Variants in RSU1 observed in about 807,000 individuals in gnomAD.
RSU1 encodes Ras suppressor protein 1.
RSU1 carries 26 observed loss-of-function variants against 31.1 expected under a neutral mutation model. The observed-to-expected ratio is 0.84, with a 90% CI of 0.61 to 1.16. RSU1 has a LOEUF of 1.16. Among genes scored for constraint, RSU1 ranks in the 50% most tolerant of loss-of-function variants. The probability of loss-of-function intolerance (pLI) is 0.00; values close to 1 mark genes in which losing one functional copy is unlikely to be tolerated. For synonymous variants in RSU1, 164 were observed against 136.3 expected, an observed-to-expected ratio of 1.20 and a Z score of -1.41; for missense variants, 320 against 339.1, an observed-to-expected ratio of 0.94 and a Z score of 0.44.
chr10:16,642,698 T>A (rs1038185557), intron 8 of RSU1, among the ~76,000 whole-genome samples: 4 of 152,332 alleles, frequency 2.6e-5, no homozygotes, highest in African/African-American at 9.6e-5. Flanking sequence ...TCATATATTA[T>A]GTATGTAAAA....
intron 2 of RSU1, among the ~76,000 whole-genome samples, chr10:16,815,433 T>G (rs1309686480): frequency 6.6e-6 from 1 of 152,236 alleles, no homozygotes; most frequent in East Asian, 1.9e-4. Context: ...GTTCTCTCCA[T>G]GCCTAAATGG....
intron 7 of RSU1, among the ~76,000 whole-genome samples, chr10:16,724,631 C>A (rs1317667829): frequency 2.6e-5 from 4 of 152,182 alleles, no homozygotes; most frequent in Non-Finnish European, 5.9e-5. Flanking sequence ...AAGGGGGAAT[C>A]ACGAACAGTG....
chr10:16,752,753 C>A, intron 6 of RSU1, 100 bp from the exon 7 acceptor site: 1 of 1,071,402 alleles, frequency 9.3e-7, no homozygotes, highest in South Asian at 1.4e-5. Context: ...AAGCTCAATC[C>A]TTTCCATGTA....
chr10:16,607,574 T>C (rs2131464865), intron 8 of RSU1, among the ~76,000 whole-genome samples: 1 of 152,286 alleles, frequency 6.6e-6, no homozygotes, highest in East Asian at 1.9e-4. Context: ...GCCTGAGCAC[T>C]GCTACTCCCC....
At chr10:16,787,071 T>C (rs1837806213) in intron 2 of RSU1, among the ~76,000 whole-genome samples, 1 of 152,124 alleles carries the variant, frequency 6.6e-6, no homozygotes, top group African/African-American at 2.4e-5. Flanking sequence ...GCTTGATGTT[T>C]CTGCCCAGGC....
chr10:16,622,348 C>A (rs957763494), intron 8 of RSU1, among the ~76,000 whole-genome samples: 11 of 152,156 alleles, frequency 7.2e-5, no homozygotes, highest in Admixed American at 5.2e-4. Flanking sequence ...CTGAAGAGAA[C>A]TGTGCTTGTA....
intron 8 of RSU1, among the ~76,000 whole-genome samples, chr10:16,617,681 C>T (rs1264843464): frequency 2.0e-5 from 3 of 152,140 alleles, no homozygotes; most frequent in Non-Finnish European, 4.4e-5. Flanking sequence ...GAAATAACAC[C>T]GCACACCTAC....
intron 7 of RSU1, among the ~76,000 whole-genome samples, chr10:16,702,524 G>A (rs11254160): frequency 0.15 from 23,107 of 152,112 alleles, 2,278 homozygotes; most frequent in East Asian, 0.34. Context: ...TGTGGAACAC[G>A]GAGTCAAGGG....
At chr10:16,629,133 C>T (rs1030850047) in intron 8 of RSU1, among the ~76,000 whole-genome samples, 10 of 152,166 alleles carry the variant, frequency 6.6e-5, no homozygotes, top group African/African-American at 2.4e-4. Flanking sequence ...CAGAGCTCTC[C>T]ACACTTCAGT....
chr10:16,800,169 A>G (rs543610478), intron 2 of RSU1, among the ~76,000 whole-genome samples: 2 of 152,180 alleles, frequency 1.3e-5, no homozygotes, highest in South Asian at 4.1e-4. Context: ...CTTTTACCCA[A>G]TGCATCATGT....
At chr10:16,782,552 G>T (rs2131646920) in intron 2 of RSU1, among the ~76,000 whole-genome samples, 1 of 152,278 alleles carries the variant, frequency 6.6e-6, no homozygotes, top group Non-Finnish European at 1.5e-5. Flanking sequence ...CAGTGTTATT[G>T]CTTCAGCTAT....
At chr10:16,776,894 T>C (rs541120807) in intron 3 of RSU1, among the ~76,000 whole-genome samples, 7 of 152,140 alleles carry the variant, frequency 4.6e-5, no homozygotes, top group Non-Finnish European at 1.0e-4. Flanking sequence ...CATCATTTAC[T>C]GGACATAAGG....
chr10:16,629,674 T>C (rs1184225578), intron 8 of RSU1, among the ~76,000 whole-genome samples: 1 of 152,196 alleles, frequency 6.6e-6, no homozygotes, highest in Non-Finnish European at 1.5e-5. Flanking sequence ...TATAACATCA[T>C]TCCTCCCTCA....
intron 8 of RSU1, among the ~76,000 whole-genome samples, chr10:16,668,624 C>T (rs1366104858): frequency 6.6e-6 from 1 of 152,068 alleles, no homozygotes; most frequent in Non-Finnish European, 1.5e-5. Context: ...CCAAGTTTTA[C>T]TGCTTTCCCT....
intron 2 of RSU1, among the ~76,000 whole-genome samples, chr10:16,786,996 C>T (rs760989691): frequency 2.6e-5 from 4 of 152,058 alleles, no homozygotes; most frequent in African/African-American, 9.7e-5. Context: ...CGGATCGGAT[C>T]GATGCCTTAC....
intron 8 of RSU1, among the ~76,000 whole-genome samples, chr10:16,687,468 G>A (rs1026183023): frequency 2.0e-5 from 3 of 152,044 alleles, no homozygotes; most frequent in African/African-American, 7.2e-5. Flanking sequence ...AAAAATACTA[G>A]TTACCTGTGA....
rs549703445 is a variant in RSU1, at chr10:16,691,054, C to A, written c.731+3969G>T. 3.5e-3 allele frequency among the ~76,000 whole-genome samples: 527 copies of A among 152,020 alleles called. 3 individuals are homozygous for A. The highest frequency in any genetic ancestry group is 0.012 in the African/African-American group (504 of 41,442). On this transcript the variant is annotated intron_variant, in intron 8 of 8. Transcript: ENST00000345264. ...TATAATAAGTTTTAGACTAGAAGAT[C>A]AAAAACTAAGGCAATGAATGTGAAA...
chr10:16,739,809 C>G (rs1032152109), intron 7 of RSU1, among the ~76,000 whole-genome samples: 1 of 152,006 alleles, frequency 6.6e-6, no homozygotes, highest in Non-Finnish European at 1.5e-5. Flanking sequence ...TGGGGTTTCT[C>G]CATGTTGGTC....
At chr10:16,709,398 T>A (rs368902720) in intron 7 of RSU1, among the ~76,000 whole-genome samples, 12 of 152,356 alleles carry the variant, frequency 7.9e-5, no homozygotes, top group African/African-American at 2.9e-4. Context: ...TCTATCATTG[T>A]TGGACATTTC....
Sources: gnomAD v4.1 joint callset for allele counts (sites outside exome capture counted in the v4.1 genomes callset) on GRCh38, gnomAD v4.1.1 for gene constraint, MANE v1.5 for transcripts, NCBI Gene and HGNC (gene_info 2026-07-23, HGNC 2026-07-21) for gene names.